HORMAD2: variants seen among roughly 807,000 people sequenced by gnomAD.
HORMAD2 encodes the protein HORMA domain-containing protein 2.
Under a neutral mutation model 38.8 loss-of-function variants are expected in HORMAD2, and 45 were observed. That is an observed-to-expected ratio of 1.16 (90% CI 0.91 to 1.49). The LOEUF is 1.49. HORMAD2 is among the 40% of genes most tolerant of loss of function. HORMAD2 has a pLI of 0.00. For synonymous variants in HORMAD2, 126 were observed against 122.8 expected, an observed-to-expected ratio of 1.03 and a Z score of -0.17; for missense variants, 338 against 367.0, an observed-to-expected ratio of 0.92 and a Z score of 0.65.
the HORMAD2 span, among the ~76,000 whole-genome samples, chr22:30,204,530 G>A: frequency 6.6e-6 from 1 of 152,138 alleles, no homozygotes; most frequent in South Asian, 2.1e-4. Context: ...GGCACACTGG[G>A]GTGGGAACTA....
intron 10 of HORMAD2, among the ~76,000 whole-genome samples, chr22:30,129,199 CAG>C (rs1162117888): frequency 2.6e-5 from 3 of 116,784 alleles, no homozygotes; most frequent in Non-Finnish European, 3.3e-5. Context: ...GCCTGGGTGG[CAG>C]AGTGAGACTC....
intron 10 of HORMAD2, among the ~76,000 whole-genome samples, chr22:30,171,574 G>A (rs1304848228): frequency 6.6e-6 from 1 of 152,070 alleles, no homozygotes; most frequent in Non-Finnish European, 1.5e-5. Flanking sequence ...CTCATCACTT[G>A]TATCTGCTTG....
intron 10 of HORMAD2, among the ~76,000 whole-genome samples, chr22:30,124,483 T>C (rs1390157789): frequency 1.3e-5 from 2 of 152,180 alleles, no homozygotes; most frequent in African/African-American, 4.8e-5. Context: ...CCCTTCCTCA[T>C]TGCACGCCCT....
chr22:30,090,533 G>T (rs1163254579), intron 1 of HORMAD2, among the ~76,000 whole-genome samples: 2 of 152,062 alleles, frequency 1.3e-5, no homozygotes, highest in African/African-American at 2.4e-5. Context: ...TTGAGTCCCT[G>T]GTTTCAATTC....
intron 10 of HORMAD2, among the ~76,000 whole-genome samples, chr22:30,149,171 T>C (rs560701908): frequency 6.6e-6 from 1 of 152,326 alleles, no homozygotes; most frequent in East Asian, 1.9e-4. Flanking sequence ...TAAGCCATGA[T>C]TGCTTTTCCT....
intron 10 of HORMAD2, among the ~76,000 whole-genome samples, chr22:30,152,749 G>C (rs754746377): frequency 1.3e-5 from 2 of 151,542 alleles, no homozygotes; most frequent in Non-Finnish European, 2.9e-5. Flanking sequence ...TCCCTCTTTT[G>C]CTTTTGTTCT....
intron 1 of HORMAD2, among the ~76,000 whole-genome samples, chr22:30,092,172 C>T (rs2068700994): frequency 6.6e-6 from 1 of 151,804 alleles, no homozygotes; most frequent in African/African-American, 2.4e-5. Context: ...TGAGCCACCT[C>T]GCCTGGCCAT....
At chr22:30,181,674 T>C (rs1051932175), downstream of HORMAD2, among the ~76,000 whole-genome samples, 2 of 152,240 alleles carry the variant, frequency 1.3e-5, no homozygotes, top group African/African-American at 4.8e-5. Context: ...AAAATGCAGG[T>C]AACCACAGAC....
At chr22:30,100,384 G>A (rs1028298130) in intron 3 of HORMAD2, among the ~76,000 whole-genome samples, 4 of 152,110 alleles carry the variant, frequency 2.6e-5, no homozygotes, top group African/African-American at 9.7e-5. Context: ...CTAGCCATAC[G>A]CAGAAAACCG....
intron 1 of HORMAD2, among the ~76,000 whole-genome samples, chr22:30,086,468 T>A (rs556781849): frequency 2.7e-4 from 41 of 152,208 alleles, no homozygotes; most frequent in African/African-American, 9.4e-4. Context: ...AAGGTAAGAA[T>A]AGCTGGTAAA....
At chr22:30,178,486 T>C (rs899790751), downstream of HORMAD2, among the ~76,000 whole-genome samples, 4 of 152,240 alleles carry the variant, frequency 2.6e-5, no homozygotes, top group African/African-American at 4.8e-5. Flanking sequence ...ATGTGAACTA[T>C]CTGATTTTAC....
At chr22:30,158,615 C>CTTTG (rs1925252286) in intron 10 of HORMAD2, among the ~76,000 whole-genome samples, 1 of 123,434 alleles carries the variant, frequency 8.1e-6, no homozygotes, top group African/African-American at 3.1e-5. Context: ...CCCTCCGTCC[C>CTTTG]TCCCTCCCTC....
chr22:30,095,773 T>G (rs1269671265), intron 2 of HORMAD2, among the ~76,000 whole-genome samples: 1 of 152,152 alleles, frequency 6.6e-6, no homozygotes, highest in Non-Finnish European at 1.5e-5. Flanking sequence ...TTTTCCAAAC[T>G]TATTTGACCA....
At chr22:30,102,820 A>T (rs1480511602) in intron 3 of HORMAD2, among the ~76,000 whole-genome samples, 1 of 151,874 alleles carries the variant, frequency 6.6e-6, no homozygotes, top group African/African-American at 2.4e-5. Context: ...TTTAGAGGTG[A>T]GGTTTCACTA....
At chr22:30,156,163 G>T (rs535742080) in intron 10 of HORMAD2, among the ~76,000 whole-genome samples, 1 of 152,314 alleles carries the variant, frequency 6.6e-6, no homozygotes, top group South Asian at 2.1e-4. Context: ...TGATACAGAT[G>T]CTTAGCTTGC....
intron 3 of HORMAD2, among the ~76,000 whole-genome samples, chr22:30,099,311 AT>A (rs1920928703): frequency 6.6e-6 from 1 of 152,206 alleles, no homozygotes; most frequent in Admixed American, 6.5e-5. Flanking sequence ...CCTCAATTGA[AT>A]TTATTCTTTA....
At chr22:30,088,088 T>C (rs1301063357) in intron 1 of HORMAD2, among the ~76,000 whole-genome samples, 1 of 148,774 alleles carries the variant, frequency 6.7e-6, no homozygotes, top group African/African-American at 2.6e-5. Context: ...CACGTGTACA[T>C]ATACACACAC....
chr22:30,191,128 TC>T, the HORMAD2 span, among the ~76,000 whole-genome samples: 1 of 152,060 alleles, frequency 6.6e-6, no homozygotes, highest in Non-Finnish European at 1.5e-5. Flanking sequence ...GGTCCTAAGT[TC>T]CTGGCATTGG....
chr22:30,159,496 C>T (rs909350518), intron 10 of HORMAD2, among the ~76,000 whole-genome samples: 1 of 152,126 alleles, frequency 6.6e-6, no homozygotes, highest in African/African-American at 2.4e-5. Context: ...GTTTATCTTT[C>T]ATAGGAAATA....
Sources: gnomAD v4.1 joint callset for allele counts (sites outside exome capture counted in the v4.1 genomes callset) on GRCh38, gnomAD v4.1.1 for gene constraint, MANE v1.5 for transcripts, NCBI Gene and HGNC (gene_info 2026-07-23, HGNC 2026-07-21) for gene names.